The following ERC1 variants were observed in gnomAD, a reference collection of about 807,000 sequenced individuals.
ERC1 encodes RAB6 interacting protein 2.
Under a neutral mutation model 132.0 loss-of-function variants are expected in ERC1, and 56 were observed. The observed-to-expected ratio is 0.42, with a 90% confidence interval of 0.34 to 0.53. ERC1 has a LOEUF of 0.53. ERC1 is among the 20% of genes least tolerant of loss of function. The probability of loss-of-function intolerance (pLI) is 0.03; values close to 1 mark genes in which losing one functional copy is unlikely to be tolerated. For missense variants in ERC1, 1,202 were observed against 1,349.9 expected, an observed-to-expected ratio of 0.89 and a Z score of 1.72; for synonymous variants, 478 against 476.1, an observed-to-expected ratio of 1.00 and a Z score of -0.05.
chr12:1,121,787 C>G (rs56148068), intron 7 of ERC1, among the ~76,000 whole-genome samples: 14 of 7,314 alleles, frequency 1.9e-3, no homozygotes, highest in South Asian at 0.016. Context: ...CTATCTATCT[C>G]TATCTCTATC....
intron 16 of ERC1, among the ~76,000 whole-genome samples, chr12:1,400,916 A>ATTATTATTATTTTTTTTT (rs2090981093): frequency 6.6e-5 from 1 of 15,040 alleles, no homozygotes; most frequent in African/African-American, 3.1e-4. Flanking sequence ...CTATTTTTGT[A>ATTATTATTATTTTTTTTT]TTTTTTTTTT....
intron 2 of ERC1, among the ~76,000 whole-genome samples, chr12:1,032,786 A>G (rs977753185): frequency 6.6e-5 from 10 of 152,306 alleles, no homozygotes; most frequent in African/African-American, 2.4e-4. Context: ...ACTACCAAGT[A>G]AATTAGTTGA....
intron 2 of ERC1, among the ~76,000 whole-genome samples, chr12:1,070,425 C>T (rs1462165726): frequency 6.6e-6 from 1 of 151,834 alleles, no homozygotes; most frequent in East Asian, 1.9e-4. Context: ...GTATCTGGGA[C>T]TATAGATGCA....
chr12:1,309,762 C>A (rs796228564), intron 15 of ERC1, among the ~76,000 whole-genome samples: 2 of 147,658 alleles, frequency 1.4e-5, no homozygotes, highest in Non-Finnish European at 3.0e-5. Context: ...ACTGAACTGA[C>A]GGAAACTAGT....
intron 2 of ERC1, among the ~76,000 whole-genome samples, chr12:1,040,324 C>CTTT (rs956609769): frequency 1.1e-4 from 15 of 138,074 alleles, no homozygotes; most frequent in African/African-American, 2.9e-4. Context: ...TTTCTTTTTT[C>CTTT]TTTTTTTTTT....
At chr12:1,223,556 G>A (rs1342747005) in intron 12 of ERC1, among the ~76,000 whole-genome samples, 1 of 152,172 alleles carries the variant, frequency 6.6e-6, no homozygotes, top group Non-Finnish European at 1.5e-5. Flanking sequence ...TAGCAAGATG[G>A]TGGACCACAT....
intron 12 of ERC1, among the ~76,000 whole-genome samples, chr12:1,195,094 TA>T (rs149862360): frequency 2.0e-5 from 3 of 151,910 alleles, no homozygotes; most frequent in African/African-American, 4.8e-5. Context: ...CAGAAGCCCC[TA>T]AAAAAACCAC....
In ERC1 at chr12:1,007,485, TC is replaced by T. The variant is rs879707313; in HGVS notation, c.-157+16164del. ...TTCTCTCTCTCTCTCTCTCTCTCTC[TC>T]TCTCTCTTTCTCTCTCTCTCACTGG... On this transcript the variant is annotated intron_variant, in intron 1 of 18. Transcript: ENST00000360905. 4.6e-3 allele frequency among the ~76,000 whole-genome samples: 686 copies of T among 147,630 alleles called. 3 individuals are homozygous for T. The highest frequency in any genetic ancestry group is 7.2e-3 in the Non-Finnish European group (488 of 67,816).
chr12:1,323,372 A>G (rs1284862450), intron 15 of ERC1, among the ~76,000 whole-genome samples: 1 of 152,218 alleles, frequency 6.6e-6, no homozygotes, highest in African/African-American at 2.4e-5. Context: ...ATTAGTTAAC[A>G]TGGAAAATAA....
intron 12 of ERC1, among the ~76,000 whole-genome samples, chr12:1,222,886 T>G (rs1272737236): frequency 6.6e-6 from 1 of 152,232 alleles, no homozygotes; most frequent in Admixed American, 6.5e-5. Context: ...AAAAATTCCT[T>G]TACCAATTAA....
intron 15 of ERC1, among the ~76,000 whole-genome samples, chr12:1,321,650 T>C (rs895271227): frequency 1.3e-5 from 2 of 152,184 alleles, no homozygotes; most frequent in East Asian, 1.9e-4. Flanking sequence ...TTAGGTGATA[T>C]ACTGGGAAAG....
At chr12:1,248,605 A>T (rs1323371518) in intron 13 of ERC1, among the ~76,000 whole-genome samples, 1 of 151,988 alleles carries the variant, frequency 6.6e-6, no homozygotes, top group Non-Finnish European at 1.5e-5. Flanking sequence ...CCATGAAAAG[A>T]AGTTTAGATT....
intron 16 of ERC1, chr12:1,380,207 A>G (rs11061732): frequency 0.41 from 61,716 of 152,088 alleles, 13,766 homozygotes; most frequent in African/African-American, 0.59. Context: ...GACAAGTTCC[A>G]TTCTCTTTCA....
At chr12:1,053,399 A>C (rs1000833482) in intron 2 of ERC1, among the ~76,000 whole-genome samples, 15 of 152,210 alleles carry the variant, frequency 9.9e-5, no homozygotes, top group African/African-American at 3.4e-4. Context: ...TAGTTTTGTC[A>C]GGTAGAAATA....
chr12:1,463,890 A>G (rs1220668908), intron 18 of ERC1, among the ~76,000 whole-genome samples: 1 of 152,038 alleles, frequency 6.6e-6, no homozygotes, highest in Non-Finnish European at 1.5e-5. Flanking sequence ...GGCAAGGAAA[A>G]GCTTGCTTTA....
rs1372961498 is a variant in ERC1, at chr12:1,117,905, GTTAT to G, written c.1569+1874_1569+1877del. Reference sequence around the variant, plus strand: ...TCATCTAGATAATGTTACCTGCAAAGTTATTCATTTATAGCTTTATTTTAAAAAT... The same window carrying G: ...TCATCTAGATAATGTTACCTGCAAAGTCATTTATAGCTTTATTTTAAAAAT... On this transcript the variant is annotated intron_variant, in intron 7 of 18. Coordinates refer to ENST00000360905, the MANE Select transcript of ERC1 (RefSeq NM_178040.4). Among the ~76,000 whole-genome samples the G allele has an allele frequency of 3.9e-5, 6 of 152,248 alleles. No homozygotes were observed. In the East Asian group the frequency reaches 1.2e-3, roughly 29 times the overall value.
At chr12:1,335,760 C>T (rs2083261235) in intron 15 of ERC1, among the ~76,000 whole-genome samples, 1 of 151,966 alleles carries the variant, frequency 6.6e-6, no homozygotes, top group Non-Finnish European at 1.5e-5. Flanking sequence ...GGGAGGAGTC[C>T]CTCCTCCTCA....
At chr12:1,138,390 C>A in intron 7 of ERC1, among the ~76,000 whole-genome samples, 1 of 139,198 alleles carries the variant, frequency 7.2e-6, no homozygotes. Context: ...ATATGTAATA[C>A]ATAATATATG....
chr12:1,006,377 G>A (rs1325350787), intron 1 of ERC1, among the ~76,000 whole-genome samples: 1 of 152,062 alleles, frequency 6.6e-6, no homozygotes, highest in African/African-American at 2.4e-5. Context: ...GGGACTGTAG[G>A]CATGCGCCAG....
Sources: allele counts gnomAD v4.1 joint callset (sites outside exome capture counted in the v4.1 genomes callset), GRCh38; gene constraint gnomAD v4.1.1; transcripts MANE v1.5; gene names NCBI Gene and HGNC (gene_info 2026-07-23, HGNC 2026-07-21).